Variants in RBFOX3 observed in about 807,000 individuals in gnomAD.
The protein encoded by RBFOX3 is RNA binding protein fox-1 homolog 3.
RBFOX3 carries 17 observed loss-of-function variants against 48.7 expected under a neutral mutation model. The observed-to-expected ratio is 0.35, with a 90% confidence interval of 0.24 to 0.52. RBFOX3 has a LOEUF of 0.52. Ranked by LOEUF, RBFOX3 falls within the 20% of genes least tolerant of loss-of-function variation. The pLI is 0.94. For synonymous variants in RBFOX3, 212 were observed against 209.5 expected (o/e 1.01, Z -0.10); for missense variants, 382 against 497.5 (o/e 0.77, Z 2.21).
At chr17:79,579,275 G>A (rs1440135850) in intron 1 of RBFOX3, among the ~76,000 whole-genome samples, 2 of 135,332 alleles carry the variant, frequency 1.5e-5, no homozygotes, top group Non-Finnish European at 3.2e-5. Flanking sequence ...ACGGGTGCTG[G>A]CTCTGCTGCC....
At chr17:79,157,847 C>G (rs2046160729) in intron 4 of RBFOX3, among the ~76,000 whole-genome samples, 1 of 152,202 alleles carries the variant, frequency 6.6e-6, no homozygotes, top group Admixed American at 6.5e-5. Context: ...TGCTTATGGT[C>G]ACCGCACGTC....
intron 1 of RBFOX3, among the ~76,000 whole-genome samples, chr17:79,490,723 A>AGAGT (rs1354388630): frequency 6.7e-6 from 1 of 148,446 alleles, no homozygotes; most frequent in African/African-American, 2.5e-5. Flanking sequence ...TGCAGTGTAG[A>AGAGT]GAGAGAGAGA....
At chr17:79,093,619 A>C (rs946333926) in intron 14 of RBFOX3, among the ~76,000 whole-genome samples, 1 of 151,652 alleles carries the variant, frequency 6.6e-6, no homozygotes, top group African/African-American at 2.4e-5. Context: ...TTGCCTCTGA[A>C]CCTCCTCCCT....
chr17:79,558,574 G>C (rs1442141430), intron 1 of RBFOX3, among the ~76,000 whole-genome samples: 1 of 152,074 alleles, frequency 6.6e-6, no homozygotes, highest in Non-Finnish European at 1.5e-5. Context: ...AGGTGGCTTC[G>C]GGCCCCTGAA....
chr17:79,371,176 T>C (rs943775106), intron 2 of RBFOX3, among the ~76,000 whole-genome samples: 2 of 152,174 alleles, frequency 1.3e-5, no homozygotes, highest in African/African-American at 4.8e-5. Flanking sequence ...TGAGGGACCA[T>C]GGCGAGGGGC....
At chr17:79,090,964 G>T in intron 14 of RBFOX3, 79 bp from the exon 15 acceptor site, 1 of 1,455,382 alleles carries the variant, frequency 6.9e-7, no homozygotes, top group Non-Finnish European at 9.2e-7. Flanking sequence ...GGACCACGTG[G>T]CACGGGGCCC....
chr17:79,258,417 G>A (rs1215016952), intron 3 of RBFOX3, among the ~76,000 whole-genome samples: 2 of 152,240 alleles, frequency 1.3e-5, no homozygotes, highest in African/African-American at 4.8e-5. Context: ...CCCACCAGGT[G>A]TGTTGCCGTG....
chr17:79,391,001 A>G lies in RBFOX3; in HGVS notation c.-174-83177T>C, dbSNP rs914083429. On this transcript the variant is annotated intron_variant, in intron 2 of 14. Coordinates refer to ENST00000693108, the MANE Select transcript of RBFOX3 (RefSeq NM_001350451.2). This position sits in a 1 kb window ranked among gnomAD's most constrained non-coding sequence, Gnocchi z 5.0. ...TTCTCCACAGCCCCCTGATTCCCACAGATCCTTCCCTGGAAGGCTTTCTCG... is the reference window on the plus strand; with the variant it reads ...TTCTCCACAGCCCCCTGATTCCCACGGATCCTTCCCTGGAAGGCTTTCTCG... Among the ~76,000 whole-genome samples the G allele has an allele frequency of 1.3e-5, 2 of 152,146 alleles. No homozygotes were observed. The highest frequency in any genetic ancestry group is 2.9e-5 in the Non-Finnish European group (2 of 68,030).
rs71365558 is a variant in RBFOX3, at chr17:79,360,826, CTT to C, written c.-174-53004_-174-53003del. ...AGAAAAATTGCTCTGGATCAAATTCCTTTTTTTTTTTTTTTTAAGAAACAGAT... is the reference window on the plus strand; with the variant it reads ...AGAAAAATTGCTCTGGATCAAATTCCTTTTTTTTTTTTTTAAGAAACAGAT... On this transcript the variant is annotated intron_variant, in intron 2 of 14. Coordinates refer to ENST00000693108, the MANE Select transcript of RBFOX3 (RefSeq NM_001350451.2). Among the ~76,000 whole-genome samples the C allele has an allele frequency of 1.8e-3, 258 of 145,672 alleles. 1 individual carries two copies. The highest frequency in any genetic ancestry group is 3.7e-3 in the African/African-American group (145 of 39,372).
At chr17:79,572,509 C>T (rs2092711934) in intron 1 of RBFOX3, among the ~76,000 whole-genome samples, 1 of 152,094 alleles carries the variant, frequency 6.6e-6, no homozygotes, top group Admixed American at 6.5e-5. Flanking sequence ...GCTCTGCCCA[C>T]CAGGCCTCCC....
chr17:79,307,866 A>G lies in RBFOX3; in HGVS notation c.-174-42T>C, dbSNP rs552411581. On this transcript the variant is annotated intron_variant, in intron 2 of 14. Transcript: ENST00000693108. The stretch of plus-strand genomic sequence containing the variant: ...AAACAAGAGAACAAAACGGTGTTCA[A>G]TCTCTGAATATCTAGAGTGCATCAG... 4 of 153,914 alleles carry G rather than the reference A, an allele frequency of 2.6e-5. No individual in the cohort carries two copies. In the South Asian group the frequency reaches 8.3e-4, roughly 32 times the overall value. 9.5% of individuals were successfully genotyped at this position (153,914 alleles called of 1,614,324 possible). A position where few individuals can be genotyped will look rare whatever the true frequency, so the allele number is the denominator to read the frequency against.
At chr17:79,478,846 G>A (rs888185437) in intron 2 of RBFOX3, among the ~76,000 whole-genome samples, 10 of 152,328 alleles carry the variant, frequency 6.6e-5, no homozygotes, top group Non-Finnish European at 8.8e-5. Context: ...TTACTATACA[G>A]TAAAACCCAA....
At chr17:79,615,530 G>A (rs1324745087), upstream of RBFOX3, among the ~76,000 whole-genome samples, 1 of 152,090 alleles carries the variant, frequency 6.6e-6, no homozygotes, top group Non-Finnish European at 1.5e-5. Flanking sequence ...ACATGTAGAG[G>A]GCTGTCACTA....
chr17:79,103,350 A>G lies in RBFOX3; in HGVS notation c.415-96T>C. ...GGAAGAAGAGGAGTGGGAGGGGGGC[A>G]GGGGAGTGGGGAGAGAGAGAGAAGG... On this transcript the variant is annotated intron_variant, in intron 7 of 14. Transcript: ENST00000693108. The surrounding 1 kb of genome is among the most constrained non-coding windows in gnomAD (Gnocchi z 6.1). 8 of 674,692 alleles carry G rather than the reference A, an allele frequency of 1.2e-5. No homozygotes were observed. Among genetic ancestry groups the G allele is most frequent in the East Asian group, 3.2e-5 (1 of 30,846 alleles). The allele number at this position is 674,692 out of a possible 1,614,324, so 41.8% of individuals were successfully genotyped here. A position where few individuals can be genotyped will look rare whatever the true frequency, so the allele number is the denominator to read the frequency against.
intron 2 of RBFOX3, among the ~76,000 whole-genome samples, chr17:79,437,444 C>G: frequency 6.6e-6 from 1 of 152,242 alleles, no homozygotes; most frequent in East Asian, 1.9e-4. Flanking sequence ...GCTGAGCTGC[C>G]TGTCACCGTC....
rs2061273041 is a variant in RBFOX3, at chr17:79,390,666, A to AG, written c.-174-82843dup. Among the ~76,000 whole-genome samples the AG allele has an allele frequency of 6.6e-6, 1 of 152,142 alleles. No homozygotes were observed. Among genetic ancestry groups the AG allele is most frequent in the African/African-American group, 2.4e-5 (1 of 41,418 alleles). On this transcript the variant is annotated intron_variant, in intron 2 of 14. Coordinates refer to ENST00000693108, the MANE Select transcript of RBFOX3 (RefSeq NM_001350451.2). This position sits in a 1 kb window ranked among gnomAD's most constrained non-coding sequence, Gnocchi z 4.2. ...CTAATTTTGTATTTTTAGTAGAGAC[A>AG]GGGTTTCGCCATGTTGGCCAGGCTG...
intron 2 of RBFOX3, among the ~76,000 whole-genome samples, chr17:79,378,975 G>T (rs62063990): frequency 2.0e-5 from 3 of 152,076 alleles, no homozygotes; most frequent in Non-Finnish European, 4.4e-5. Flanking sequence ...TTCGGAAAGC[G>T]GGTAGGAGCC....
At chr17:79,128,036 G>A (rs866837372) in intron 4 of RBFOX3, among the ~76,000 whole-genome samples, 19 of 152,180 alleles carry the variant, frequency 1.2e-4, no homozygotes, top group African/African-American at 4.3e-4. Flanking sequence ...CCATGCGACC[G>A]CTCAGCGCCA....
At position 79,111,642 on chromosome 17, in the gene RBFOX3, C is replaced by A. The variant is rs535745505; in HGVS notation, c.222+3852G>T. 4.2e-4 allele frequency among the ~76,000 whole-genome samples: 64 copies of A among 152,270 alleles called. No individual in the cohort carries two copies. Among genetic ancestry groups the A allele is most frequent in the African/African-American group, 1.5e-3 (61 of 41,548 alleles). The stretch of plus-strand genomic sequence containing the variant: ...TAGAGACAGGGTTCCACCATCTTGG[C>A]CAGGCTGGTCTGGAAGTCCTGACTT... On this transcript the variant is annotated intron_variant, in intron 5 of 14. Transcript: ENST00000693108. The surrounding 1 kb of genome is among the most constrained non-coding windows in gnomAD (Gnocchi z 4.2).
Sources: gnomAD v4.1 joint callset for allele counts (sites outside exome capture counted in the v4.1 genomes callset) on GRCh38, gnomAD v4.1.1 for gene constraint, Gnocchi (gnomAD v3.1) non-coding constraint, MANE v1.5 for transcripts, NCBI Gene and HGNC (gene_info 2026-07-23, HGNC 2026-07-21) for gene names.